DIAPH2: variants seen among roughly 807,000 people sequenced by gnomAD.
DIAPH2 encodes the protein protein diaphanous homolog 2.
A neutral mutation model predicts 92.7 loss-of-function variants in DIAPH2; 35 were observed. The observed-to-expected ratio is 0.38, with a 90% confidence interval of 0.29 to 0.50. DIAPH2 has a LOEUF of 0.50. Among genes scored for constraint, DIAPH2 ranks in the 20% least tolerant of loss-of-function variants. The pLI is 0.94. For synonymous variants in DIAPH2, 301 were observed against 280.4 expected (o/e 1.07, Z -0.73); for missense variants, 701 against 819.5 (o/e 0.86, Z 1.77).
intron 26 of DIAPH2, among the ~76,000 whole-genome samples, chrX:97,542,052 G>C (rs2071144444): frequency 8.9e-6 from 1 of 112,423 alleles, no homozygotes; most frequent in African/African-American, 3.2e-5. Context: ...TTAATGATCA[G>C]TTTTTCTGGT....
chrX:97,302,866 C>T (rs2068718499), intron 23 of DIAPH2, among the ~76,000 whole-genome samples: 1 of 111,302 alleles, frequency 9.0e-6, no homozygotes, highest in Admixed American at 9.6e-5. Flanking sequence ...CGCCTATAGT[C>T]ACAGCTACTT....
At chrX:97,427,038 C>CGTG (rs2070073425) in intron 25 of DIAPH2, among the ~76,000 whole-genome samples, 1 of 108,238 alleles carries the variant, frequency 9.2e-6, no homozygotes, top group Non-Finnish European at 1.9e-5. Context: ...ATTAGCCGGG[C>CGTG]ATGGTGGCAG....
At chrX:97,121,427 T>G (rs955393903) in intron 21 of DIAPH2, among the ~76,000 whole-genome samples, 6 of 111,848 alleles carry the variant, frequency 5.4e-5, no homozygotes, top group African/African-American at 1.9e-4. Flanking sequence ...GACTCAGAAC[T>G]CGTCAAATTT....
intron 4 of DIAPH2, among the ~76,000 whole-genome samples, chrX:96,779,857 T>A (rs966815044): frequency 2.7e-5 from 3 of 112,525 alleles, no homozygotes; most frequent in African/African-American, 9.7e-5. Flanking sequence ...TAGGCTTTTG[T>A]AGCGGTGCTT....
chrX:97,322,545 T>C (rs1262484397), intron 23 of DIAPH2, among the ~76,000 whole-genome samples: 1 of 111,500 alleles, frequency 9.0e-6, no homozygotes, highest in East Asian at 2.8e-4. Flanking sequence ...GCACAAAAAT[T>C]ACATGTGTGT....
intron 17 of DIAPH2, among the ~76,000 whole-genome samples, chrX:96,978,837 G>A (rs1419841442): frequency 1.8e-5 from 2 of 110,798 alleles, no homozygotes; most frequent in Non-Finnish European, 3.8e-5. Context: ...GTGGTCCTGT[G>A]TGAAGGCTTG....
chrX:96,938,786 G>A (rs1254178676), intron 11 of DIAPH2, among the ~76,000 whole-genome samples: 1 of 111,650 alleles, frequency 9.0e-6, no homozygotes, highest in Non-Finnish European at 1.9e-5. Flanking sequence ...TTCAGATTTA[G>A]TATTTCATCT....
intron 17 of DIAPH2, among the ~76,000 whole-genome samples, chrX:97,035,783 C>T (rs2143037): frequency 0.31 from 33,360 of 109,188 alleles, 4,738 homozygotes; most frequent in South Asian, 0.51. Context: ...CTGAGATGGG[C>T]GGATTGCTTG....
At chrX:96,959,011 T>G (rs906931172) in intron 16 of DIAPH2, among the ~76,000 whole-genome samples, 1 of 111,738 alleles carries the variant, frequency 8.9e-6, no homozygotes, top group East Asian at 2.8e-4. Context: ...TTTCATATCT[T>G]GATTTCATAT....
At chrX:96,811,221 G>A (rs751629043) in intron 4 of DIAPH2, among the ~76,000 whole-genome samples, 136 of 111,443 alleles carry the variant, frequency 1.2e-3, no homozygotes, top group African/African-American at 4.2e-3. Context: ...TCTCCTTGAA[G>A]AGGTCCTTCA....
intron 4 of DIAPH2, among the ~76,000 whole-genome samples, chrX:96,828,971 T>C (rs781088765): frequency 8.0e-5 from 9 of 112,157 alleles, no homozygotes; most frequent in Non-Finnish European, 1.1e-4. Context: ...TCAATATGTA[T>C]TGTCAAAAAG....
intron 26 of DIAPH2, among the ~76,000 whole-genome samples, chrX:97,596,336 C>A (rs776163725): frequency 8.9e-6 from 1 of 112,026 alleles, no homozygotes; most frequent in Non-Finnish European, 1.9e-5. Flanking sequence ...GACAGACCCT[C>A]CTCTTCCATT....
intron 23 of DIAPH2, among the ~76,000 whole-genome samples, chrX:97,267,182 C>T (rs1347501743): frequency 1.8e-5 from 2 of 111,468 alleles, no homozygotes; most frequent in Non-Finnish European, 3.8e-5. Flanking sequence ...CACCAATTAT[C>T]GATTGTTCCA....
At chrX:97,528,544 G>GGTTTTT (rs2071038598) in intron 26 of DIAPH2, 1 of 111,272 alleles carries the variant, frequency 9.0e-6, no homozygotes, top group African/African-American at 3.3e-5. Flanking sequence ...GGAGCTTACA[G>GGTTTTT]GTTTTTGTTT....
At chrX:97,314,057 T>C (rs1361465205) in intron 23 of DIAPH2, among the ~76,000 whole-genome samples, 1 of 110,731 alleles carries the variant, frequency 9.0e-6, no homozygotes, top group Non-Finnish European at 1.9e-5. Context: ...GAATATTGTA[T>C]ATATCCATAA....
chrX:97,021,060 A>G (rs1047482663), intron 17 of DIAPH2, among the ~76,000 whole-genome samples: 1 of 112,145 alleles, frequency 8.9e-6, no homozygotes, highest in Non-Finnish European at 1.9e-5. Flanking sequence ...TAAGATGGAC[A>G]TTACTCTTGG....
intron 26 of DIAPH2, among the ~76,000 whole-genome samples, chrX:97,519,246 GATAA>G (rs1432007696): frequency 2.7e-5 from 3 of 111,793 alleles, no homozygotes; most frequent in African/African-American, 9.7e-5. Flanking sequence ...TTACAAGATT[GATAA>G]ATGAAGGTGA....
intron 22 of DIAPH2, among the ~76,000 whole-genome samples, chrX:97,209,264 G>A (rs1041696032): frequency 9.0e-6 from 1 of 110,782 alleles, no homozygotes; most frequent in African/African-American, 3.3e-5. Flanking sequence ...ACAATCATCA[G>A]GAATAAATAA....
chrX:97,289,594 G>C (rs1280973922), intron 23 of DIAPH2, among the ~76,000 whole-genome samples: 1 of 111,405 alleles, frequency 9.0e-6, no homozygotes, highest in Non-Finnish European at 1.9e-5. Context: ...CACCATCCCA[G>C]ATCAATTAAA....
Sources: allele counts gnomAD v4.1 joint callset (sites outside exome capture counted in the v4.1 genomes callset), GRCh38; gene constraint gnomAD v4.1.1; transcripts MANE v1.5; gene names NCBI Gene and HGNC (gene_info 2026-07-23, HGNC 2026-07-21).